The following KIF5A variants were observed in gnomAD, a reference collection of about 807,000 sequenced individuals.
KIF5A encodes the protein kinesin family member 5A, also known as kinesin heavy chain isoform 5A.
A neutral mutation model predicts 141.3 loss-of-function variants in KIF5A; 35 were observed. That is an observed-to-expected ratio of 0.25 (90% CI 0.19 to 0.33). The LOEUF (loss-of-function observed/expected upper bound fraction) is 0.33, where lower values mean the gene tolerates loss of function less well. Ranked by LOEUF, KIF5A falls within the 10% of genes least tolerant of loss-of-function variation. KIF5A has a pLI of 1.00. For synonymous variants in KIF5A, 448 were observed against 500.2 expected, an observed-to-expected ratio of 0.90 and a Z score of 1.39; for missense variants, 861 against 1,314.3, an observed-to-expected ratio of 0.66 and a Z score of 5.33.
chr12:57,580,569 G>A (rs1882564360), intron 23 of KIF5A, among the ~76,000 whole-genome samples: 1 of 152,216 alleles, frequency 6.6e-6, no homozygotes, highest in East Asian at 1.9e-4. Flanking sequence ...CTGGGGAAGC[G>A]GGTCCCTCAT....
chr12:57,583,305 T>G, intron 28 of KIF5A, 90 bp downstream of exon 28: 1 of 742,764 alleles, frequency 1.3e-6, no homozygotes, highest in Middle Eastern at 3.6e-4. Context: ...GCTTCTTTTT[T>G]TTTTTATCAC....
intron 23 of KIF5A, 92 bp from the exon 24 acceptor site, chr12:57,580,864 C>G: frequency 8.6e-7 from 1 of 1,159,766 alleles, no homozygotes. Context: ...TCTTTATTCT[C>G]TCTCCTCACC....
intron 23 of KIF5A, among the ~76,000 whole-genome samples, chr12:57,579,173 T>A (rs1394496506): frequency 2.0e-5 from 3 of 152,062 alleles, no homozygotes; most frequent in Admixed American, 1.3e-4. Context: ...TCCTTGCTGT[T>A]GCGGTTCTTT....
intron 23 of KIF5A, among the ~76,000 whole-genome samples, chr12:57,579,594 G>T (rs189453037): frequency 3.3e-5 from 5 of 152,104 alleles, no homozygotes; most frequent in Admixed American, 6.5e-5. Flanking sequence ...GCTTTGCTAC[G>T]ATTTTATTTC....
At chr12:57,570,959 ATT>A (rs58715013) in intron 12 of KIF5A, among the ~76,000 whole-genome samples, 46,678 of 128,988 alleles carry the variant, frequency 0.36, 8,954 homozygotes, top group East Asian at 0.67. Flanking sequence ...CGCCCAGCTA[ATT>A]TTTTTTTTTT....
chr12:57,569,854 T>A, intron 11 of KIF5A, 133 bp from the exon 12 acceptor site: 1 of 1,357,728 alleles, frequency 7.4e-7, no homozygotes, highest in Non-Finnish European at 1.0e-6. Flanking sequence ...CCTGACTACC[T>A]ACCTCCCATA....
chr12:57,572,325 AG>A lies in KIF5A; in HGVS notation c.1569+62del. The A allele has an allele frequency of 6.6e-7, 1 of 1,520,312 alleles. No individual in the cohort carries two copies. The highest frequency in any genetic ancestry group is 2.0e-5 in the Admixed American group (1 of 51,070). The allele number at this position is 1,520,312 out of a possible 1,614,324, so 94.2% of individuals were successfully genotyped here. ...TGACCACAGAACATCTCCCATGTCG[AG>A]GGGACCTCTGCATCCTTCCAGGGCT... On this transcript the variant is annotated intron_variant, in intron 14 of 28. Coordinates refer to ENST00000455537, the MANE Select transcript of KIF5A (RefSeq NM_004984.4). The surrounding 1 kb of genome is among the most constrained non-coding windows in gnomAD (Gnocchi z 4.2).
chr12:57,577,976 T>C, intron 21 of KIF5A, 33 bp from the exon 22 acceptor site: 1 of 1,564,868 alleles, frequency 6.4e-7, no homozygotes, highest in Non-Finnish European at 8.8e-7. Flanking sequence ...ACCTGGTATC[T>C]GGCTATTCCC....
At chr12:57,582,152 G>C (rs537793998) in intron 26 of KIF5A, among the ~76,000 whole-genome samples, 200 bp downstream of exon 26, 1 of 152,282 alleles carries the variant, frequency 6.6e-6, no homozygotes, top group Admixed American at 6.5e-5. Flanking sequence ...GTTGAGATAG[G>C]AGGATTGCTT....
In KIF5A at chr12:57,582,300, C is replaced by T. The variant is rs115689942; in HGVS notation, c.2993-302C>T. On this transcript the variant is annotated intron_variant, in intron 26 of 28. Coordinates refer to ENST00000455537, the MANE Select transcript of KIF5A (RefSeq NM_004984.4). ...TATGAAGAAAAAAGTGACCCTGTACCTACAGCCTGAGCACTGCCCAGCCCT... is the reference window on the plus strand; with the variant it reads ...TATGAAGAAAAAAGTGACCCTGTACTTACAGCCTGAGCACTGCCCAGCCCT... 5.1e-3 allele frequency among the ~76,000 whole-genome samples: 780 copies of T among 152,140 alleles called. 4 individuals are homozygous for T. The highest frequency in any genetic ancestry group is 0.017 in the African/African-American group (717 of 41,502).
Position 57,581,275 on chromosome 12 carries a change from C to T in KIF5A, c.2755+103C>T, listed in dbSNP as rs375624910. ...ATTATTGCTTCTTACCTACCCCTAGCCTCATCCCACTTCCCCCCAAAAAGT... is the reference window on the plus strand; with the variant it reads ...ATTATTGCTTCTTACCTACCCCTAGTCTCATCCCACTTCCCCCCAAAAAGT... On this transcript the variant is annotated intron_variant, in intron 24 of 28. Transcript: ENST00000455537. The T allele has an allele frequency of 4.4e-5, 66 of 1,491,304 alleles. No homozygotes were observed. In the African/African-American group the frequency reaches 7.8e-4, roughly 18 times the overall value. 92.4% of individuals were successfully genotyped at this position (1,491,304 alleles called of 1,614,324 possible). A position where few individuals can be genotyped will look rare whatever the true frequency, so the allele number is the denominator to read the frequency against.
intron 1 of KIF5A, among the ~76,000 whole-genome samples, chr12:57,556,748 G>A (rs570180482): frequency 2.0e-5 from 3 of 152,186 alleles, no homozygotes; most frequent in African/African-American, 7.2e-5. Context: ...ATCCCCTTTG[G>A]CTGGGTGCCT....
In KIF5A at chr12:57,564,392, A is replaced by G. The variant is rs1332164805; in HGVS notation, c.397-68A>G. On this transcript the variant is annotated intron_variant, in intron 4 of 28. Transcript: ENST00000455537. ...CACCGTTTGAGCAGGTCACATTAGTATGGGATTCCTGAACTAGATTTAAGA... is the reference window on the plus strand; with the variant it reads ...CACCGTTTGAGCAGGTCACATTAGTGTGGGATTCCTGAACTAGATTTAAGA... 6 of 1,229,872 alleles carry G rather than the reference A, an allele frequency of 4.9e-6. No individual in the cohort carries two copies. The East Asian group carries it at 1.2e-4, about 24-fold the overall frequency. 76.2% of individuals were successfully genotyped at this position (1,229,872 alleles called of 1,614,324 possible). A position where few individuals can be genotyped will look rare whatever the true frequency, so the allele number is the denominator to read the frequency against.
At chr12:57,582,732 G>C (rs538386092) in intron 27 of KIF5A, 103 bp downstream of exon 27, 2 of 946,180 alleles carry the variant, frequency 2.1e-6, no homozygotes, top group Non-Finnish European at 3.5e-6. Flanking sequence ...CTTTGGGGAA[G>C]GGGGAGGGAG....
At chr12:57,560,194 T>C (rs939331590) in intron 1 of KIF5A, among the ~76,000 whole-genome samples, 2 of 152,188 alleles carry the variant, frequency 1.3e-5, no homozygotes, top group African/African-American at 4.8e-5. Flanking sequence ...GCCTAGCCAG[T>C]TATGGCATTA....
intron 8 of KIF5A, among the ~76,000 whole-genome samples, chr12:57,568,109 C>G (rs1389248944): frequency 1.3e-5 from 2 of 152,090 alleles, no homozygotes; most frequent in African/African-American, 2.4e-5. Flanking sequence ...TCTCGAACTC[C>G]TGACCTCGGG....
chr12:57,565,739 G>A (rs1476708355), intron 6 of KIF5A, among the ~76,000 whole-genome samples: 5 of 148,794 alleles, frequency 3.4e-5, no homozygotes, highest in East Asian at 4.2e-4. Flanking sequence ...ATTCTCCTGC[G>A]TCAGGCTCCC....
chr12:57,571,201 A>T, intron 12 of KIF5A, 120 bp from the exon 13 acceptor site: 2 of 729,704 alleles, frequency 2.7e-6, no homozygotes, highest in Non-Finnish European at 2.5e-6. Flanking sequence ...TGGGGTTTCT[A>T]ACTCAAAGCT....
At chr12:57,561,890 T>C (rs1012671117) in intron 1 of KIF5A, among the ~76,000 whole-genome samples, 1 of 152,244 alleles carries the variant, frequency 6.6e-6, no homozygotes, top group Non-Finnish European at 1.5e-5. Context: ...AGCCAAGGTT[T>C]ACAACTTTCC....
Sources: allele counts gnomAD v4.1 joint callset (sites outside exome capture counted in the v4.1 genomes callset), GRCh38; gene constraint gnomAD v4.1.1; non-coding constraint Gnocchi (gnomAD v3.1); transcripts MANE v1.5; gene names NCBI Gene and HGNC (gene_info 2026-07-23, HGNC 2026-07-21).